TTC28: variants seen among roughly 807,000 people sequenced by gnomAD.
TTC28 encodes the protein tetratricopeptide repeat protein 28.
TTC28 carries 61 observed loss-of-function variants against 198.0 expected under a neutral mutation model. That is an observed-to-expected ratio of 0.31 (90% confidence interval 0.25 to 0.38). The LOEUF is 0.38. Among genes scored for constraint, TTC28 ranks in the 10% least tolerant of loss-of-function variants. The probability of loss-of-function intolerance (pLI) is 1.00; values close to 1 mark genes in which losing one functional copy is unlikely to be tolerated. For synonymous variants in TTC28, 1,171 were observed against 1,297.8 expected (o/e 0.90, Z 2.10); for missense variants, 2,678 against 3,164.0 (o/e 0.85, Z 3.69).
At chr22:28,210,953 C>A (rs1176291677) in intron 5 of TTC28, among the ~76,000 whole-genome samples, 3 of 152,204 alleles carry the variant, frequency 2.0e-5, no homozygotes, top group African/African-American at 7.2e-5. Flanking sequence ...AGAAACTCTA[C>A]AAGCCAGAAG....
At chr22:28,154,966 C>G (rs1419081906) in intron 6 of TTC28, among the ~76,000 whole-genome samples, 1 of 152,142 alleles carries the variant, frequency 6.6e-6, no homozygotes, top group Non-Finnish European at 1.5e-5. Context: ...TGACTCAAAT[C>G]TCATTTTCCT....
intron 12 of TTC28, among the ~76,000 whole-genome samples, chr22:28,053,149 G>A (rs1369415832): frequency 6.6e-6 from 1 of 152,212 alleles, no homozygotes; most frequent in Non-Finnish European, 1.5e-5. Context: ...TGCAAAGAAC[G>A]AAATGGCTTC....
chr22:28,520,960 G>A (rs944419638), intron 2 of TTC28, among the ~76,000 whole-genome samples: 2 of 152,170 alleles, frequency 1.3e-5, no homozygotes, highest in Admixed American at 1.3e-4. Context: ...GCCTGAGGCA[G>A]GAGAATCACT....
At chr22:28,629,156 TAAAC>T (rs1478128466) in intron 2 of TTC28, among the ~76,000 whole-genome samples, 1 of 151,972 alleles carries the variant, frequency 6.6e-6, no homozygotes, top group Non-Finnish European at 1.5e-5. Context: ...ATTCTGAAAA[TAAAC>T]AGTCATTGAC....
intron 6 of TTC28, 148 bp downstream of exon 6, chr22:28,162,944 A>T: frequency 1.7e-6 from 2 of 1,179,832 alleles, no homozygotes; most frequent in East Asian, 5.2e-5. Flanking sequence ...ACCCTGTCTC[A>T]AAAAGAAAAG....
intron 2 of TTC28, among the ~76,000 whole-genome samples, chr22:28,584,407 C>T (rs1045775647): frequency 1.3e-5 from 2 of 152,128 alleles, no homozygotes; most frequent in African/African-American, 4.8e-5. Flanking sequence ...TTCCTTTGTC[C>T]AACCTAGCTA....
intron 2 of TTC28, among the ~76,000 whole-genome samples, chr22:28,315,262 T>C (rs75348081): frequency 0.021 from 3,227 of 152,200 alleles, 33 homozygotes; most frequent in Non-Finnish European, 0.027. Flanking sequence ...CATTTGGAAG[T>C]TGCTTTCTTC....
intron 5 of TTC28, 93 bp from the exon 6 acceptor site, chr22:28,163,692 C>A (rs1921516708): frequency 3.7e-6 from 5 of 1,362,206 alleles, no homozygotes; most frequent in Admixed American, 2.7e-5. Context: ...TGCAAGATGG[C>A]CGAATAGGAA....
intron 6 of TTC28, among the ~76,000 whole-genome samples, chr22:28,152,408 T>C (rs547108591): frequency 2.0e-4 from 30 of 152,136 alleles, no homozygotes; most frequent in African/African-American, 7.0e-4. Context: ...AATCCTAGCA[T>C]GGCTCCCACT....
intron 9 of TTC28, among the ~76,000 whole-genome samples, chr22:28,099,396 C>T (rs1002628463): frequency 2.6e-5 from 4 of 152,308 alleles, no homozygotes; most frequent in Non-Finnish European, 2.9e-5. Context: ...CTGCTAACGC[C>T]GTATATATGG....
chr22:28,607,094 C>T (rs182209389), intron 2 of TTC28, among the ~76,000 whole-genome samples: 6 of 152,250 alleles, frequency 3.9e-5, no homozygotes, highest in Admixed American at 2.6e-4. Flanking sequence ...AGAGCCCAAA[C>T]AGGCCTTGAT....
intron 2 of TTC28, among the ~76,000 whole-genome samples, chr22:28,594,358 G>A (rs978304183): frequency 6.6e-6 from 1 of 151,278 alleles, no homozygotes; most frequent in African/African-American, 2.4e-5. Context: ...CTGTCAAGAT[G>A]CCTAACCCTA....
chr22:28,631,260 A>C (rs1384133976), intron 1 of TTC28, among the ~76,000 whole-genome samples: 1 of 152,208 alleles, frequency 6.6e-6, no homozygotes, highest in Non-Finnish European at 1.5e-5. Context: ...AATAAGGTTT[A>C]AAAAATGTTT....
At chr22:28,184,541 T>A (rs1024354653) in intron 5 of TTC28, among the ~76,000 whole-genome samples, 2 of 152,132 alleles carry the variant, frequency 1.3e-5, no homozygotes, top group African/African-American at 4.8e-5. Context: ...AAAAATTAAA[T>A]TTTTAATTAA....
At chr22:28,621,963 A>C (rs2051007513) in intron 2 of TTC28, among the ~76,000 whole-genome samples, 1 of 152,126 alleles carries the variant, frequency 6.6e-6, no homozygotes, top group African/African-American at 2.4e-5. Flanking sequence ...TCCAGTAGAG[A>C]CTGGCTAGGG....
intron 15 of TTC28, chr22:27,999,866 T>C (rs968522437): frequency 1.3e-5 from 2 of 152,344 alleles, no homozygotes; most frequent in South Asian, 2.1e-4. Context: ...ATGATGACTT[T>C]TGGTACTTTT....
chr22:28,430,577 T>C (rs551079715), intron 2 of TTC28, among the ~76,000 whole-genome samples: 6 of 152,180 alleles, frequency 3.9e-5, no homozygotes, highest in Admixed American at 6.5e-5. Context: ...TGTGGGCTTA[T>C]GCATGAAACA....
intron 2 of TTC28, among the ~76,000 whole-genome samples, chr22:28,333,841 AT>A (rs1389742761): frequency 6.6e-6 from 1 of 151,570 alleles, no homozygotes; most frequent in East Asian, 1.9e-4. Context: ...AAATCACTGT[AT>A]TTTCTTTATT....
intron 19 of TTC28, 131 bp from the exon 20 acceptor site, chr22:27,990,943 TGGGAG>T: frequency 1.1e-6 from 1 of 902,234 alleles, no homozygotes; most frequent in Non-Finnish European, 1.7e-6. Flanking sequence ...CGGCTCTGAC[TGGGAG>T]GGGAGAGGAG....
Sources: allele counts gnomAD v4.1 joint callset (sites outside exome capture counted in the v4.1 genomes callset), GRCh38; gene constraint gnomAD v4.1.1; transcripts MANE v1.5; gene names NCBI Gene and HGNC (gene_info 2026-07-23, HGNC 2026-07-21).